Variants in PPP1R12B observed in about 807,000 individuals in gnomAD.
The protein encoded by PPP1R12B is myosin phosphatase target subunit 2.
In PPP1R12B, 76 loss-of-function variants were observed where a neutral mutation model predicts 126.1. The observed-to-expected ratio is 0.60, with a 90% CI of 0.50 to 0.73. The LOEUF (loss-of-function observed/expected upper bound fraction) is 0.73. PPP1R12B is among the 30% of genes least tolerant of loss of function. The probability of loss-of-function intolerance (pLI) is 0.00; values close to 1 mark genes in which losing one functional copy is unlikely to be tolerated. For synonymous variants in PPP1R12B, 356 were observed against 434.7 expected (o/e 0.82, Z 2.25); for missense variants, 1,052 against 1,205.1 (o/e 0.87, Z 1.88).
At chr1:202,531,554 GAAAATA>G (rs1381894070) in intron 18 of PPP1R12B, among the ~76,000 whole-genome samples, 2 of 152,018 alleles carry the variant, frequency 1.3e-5, no homozygotes, top group East Asian at 1.9e-4. Context: ...AGTATCAGTT[GAAAATA>G]AAAATAAAAA....
Position 202,348,995 on chromosome 1 carries a change from G to A in PPP1R12B, c.144G>A (p.Arg48=). The change falls in exon 1 of 24, where the codon AGG becomes AGA. Residue 48 remains arginine, a synonymous_variant. Transcript: ENST00000608999. ...RRGAGRQPLT[R]RGSPRVRFED... ...GCGCGGGGCGGCAGCCGCTGACCAGGCGCGGGAGCCCCAGGGTCCGCTTCG... is the reference window on the plus strand; with the variant it reads ...GCGCGGGGCGGCAGCCGCTGACCAGACGCGGGAGCCCCAGGGTCCGCTTCG... The A allele has an allele frequency of 3.1e-6, 5 of 1,606,962 alleles. No homozygotes were observed. The highest frequency in any genetic ancestry group is 4.2e-6 in the Non-Finnish European group (5 of 1,177,222).
At chr1:202,469,365 A>G (rs1675522965) in intron 13 of PPP1R12B, among the ~76,000 whole-genome samples, 1 of 152,214 alleles carries the variant, frequency 6.6e-6, no homozygotes, top group Non-Finnish European at 1.5e-5. Context: ...TGTTTCTTCA[A>G]CAGTGAGTTT....
intron 18 of PPP1R12B, among the ~76,000 whole-genome samples, chr1:202,500,484 G>A (rs1457349936): frequency 6.6e-6 from 1 of 152,170 alleles, no homozygotes; most frequent in African/African-American, 2.4e-5. Context: ...AAATAAGTCA[G>A]TCACAGAAAA....
Position 202,428,911 on chromosome 1 carries a change from C to G in PPP1R12B, c.903C>G (p.Leu301=). The stretch of plus-strand genomic sequence containing the variant: ...GTCTCGTGGAGCATTTGGAGTTGCT[C>G]CAGAAGAAGCAGAATGTGGTGAGTT... ...DEGLVEHLEL[L]QKKQNVLRSE... Residue 301 remains leucine, a synonymous_variant, in exon 6 of 24, where the codon CTC becomes CTG. Transcript: ENST00000608999. 6.2e-7 allele frequency: 1 copy of G among 1,607,352 alleles called. No homozygotes were observed. Among genetic ancestry groups the G allele is most frequent in the South Asian group, 1.1e-5 (1 of 89,826 alleles).
chr1:202,585,462 A>T lies in PPP1R12B; in HGVS notation c.*4902A>T, dbSNP rs1050801860. The T allele has an allele frequency of 2.6e-5, 4 of 152,222 alleles. No homozygotes were observed. The highest frequency in any genetic ancestry group is 6.5e-5 in the Admixed American group (1 of 15,286). The allele number at this position is 152,222 out of a possible 1,614,324, so 9.4% of individuals were successfully genotyped here. A position where few individuals can be genotyped will look rare whatever the true frequency, so the allele number is the denominator to read the frequency against. ...CACCCCTTCTCCTTTTAGTCATGTG[A>T]CTTTGGGCAGGTCACCCTCCCTGTC... On this transcript the variant is annotated 3_prime_UTR_variant, in exon 24 of 24. Transcript: ENST00000608999.
chr1:202,416,958 G>A, intron 2 of PPP1R12B, 41 bp downstream of exon 2: 2 of 1,573,020 alleles, frequency 1.3e-6, no homozygotes, highest in African/African-American at 1.4e-5. Context: ...AGTATTTGTA[G>A]GAATAGCCTT....
chr1:202,353,839 C>T lies in PPP1R12B; in HGVS notation c.291+4697C>T, dbSNP rs375503599. Among the ~76,000 whole-genome samples, 91 of 152,118 alleles carry T rather than the reference C, an allele frequency of 6.0e-4. No individual in the cohort carries two copies. The South Asian group carries it at 0.011, about 18-fold the overall frequency. On this transcript the variant is annotated intron_variant, in intron 1 of 23. Coordinates refer to ENST00000608999, the MANE Select transcript of PPP1R12B (RefSeq NM_002481.4). ...TGTTGCCAGGGCTGATCTTGAACTC[C>T]TGGGCTAAAACAATCCTCCCCCCTC...
chr1:202,396,204 A>G (rs12023106), intron 1 of PPP1R12B, among the ~76,000 whole-genome samples: 62,315 of 152,008 alleles, frequency 0.41, 14,721 homozygotes, highest in East Asian at 0.69. Context: ...CTAGTGCCCT[A>G]TAGGTTGTTA....
At chr1:202,474,008 G>A (rs542450026) in intron 13 of PPP1R12B, 85 of 520,458 alleles carry the variant, frequency 1.6e-4, no homozygotes, top group African/African-American at 1.6e-3. Context: ...GGAAAGTAGG[G>A]TGGTACAGGG....
intron 13 of PPP1R12B, among the ~76,000 whole-genome samples, chr1:202,451,884 G>T (rs1672995235): frequency 6.6e-6 from 1 of 151,742 alleles, no homozygotes. Context: ...TGGCTGCTGG[G>T]TGGAGACGCT....
chr1:202,569,406 C>A (rs1274488880), intron 23 of PPP1R12B, among the ~76,000 whole-genome samples: 2 of 152,192 alleles, frequency 1.3e-5, no homozygotes, highest in Non-Finnish European at 2.9e-5. Context: ...ACCTTAAAGG[C>A]ATTCTAGGAA....
chr1:202,403,132 G>C (rs1666094482), intron 1 of PPP1R12B, among the ~76,000 whole-genome samples: 1 of 152,142 alleles, frequency 6.6e-6, no homozygotes, highest in South Asian at 2.1e-4. Flanking sequence ...AATAAAGAAG[G>C]CTTGGTGTAA....
chr1:202,529,304 T>G (rs1410311436), intron 18 of PPP1R12B, among the ~76,000 whole-genome samples: 1 of 147,414 alleles, frequency 6.8e-6, no homozygotes, highest in Non-Finnish European at 1.5e-5. Context: ...ATGTTATTAT[T>G]GAAAAAAAAA....
chr1:202,431,544 G>C lies in PPP1R12B; in HGVS notation c.1066G>C (p.Glu356Gln). Residue 356 changes from glutamate (E) to glutamine (Q), a missense_variant, in exon 8 of 24, where the codon GAA becomes CAA. Coordinates refer to ENST00000608999, the MANE Select transcript of PPP1R12B (RefSeq NM_002481.4). ...CCAAGAAATGGAGGAAGAAAATAAA[G>C]AATCTAGTAGCTCCAGCTCAGAGGA... The part of the protein sequence containing the change: ...KSQEMEEENK[E>Q]SSSSSSEEEE... The C allele has an allele frequency of 6.2e-7, 1 of 1,613,624 alleles. No individual in the cohort carries two copies. The highest frequency in any genetic ancestry group is 1.1e-5 in the South Asian group (1 of 91,002).
At chr1:202,538,899 C>T (rs1282650095) in intron 18 of PPP1R12B, among the ~76,000 whole-genome samples, 1 of 152,134 alleles carries the variant, frequency 6.6e-6, no homozygotes, top group African/African-American at 2.4e-5. Flanking sequence ...TTTCTTTTCC[C>T]TCACCTTTAT....
intron 1 of PPP1R12B, among the ~76,000 whole-genome samples, chr1:202,366,717 A>G (rs1408473163): frequency 6.6e-6 from 1 of 152,184 alleles, no homozygotes; most frequent in African/African-American, 2.4e-5. Flanking sequence ...TGTTGATTAT[A>G]ATGCTTTTGA....
intron 1 of PPP1R12B, among the ~76,000 whole-genome samples, chr1:202,369,187 T>C (rs12137877): frequency 2.9e-3 from 437 of 152,352 alleles, no homozygotes; most frequent in Non-Finnish European, 5.1e-3. Flanking sequence ...ATTTCCCCAG[T>C]ATTTAAATAT....
At chr1:202,502,155 T>C (rs1680300932) in intron 18 of PPP1R12B, 2 of 985,254 alleles carry the variant, frequency 2.0e-6, no homozygotes, top group South Asian at 4.7e-5. Context: ...GCTGTCCCCA[T>C]CCAGAATGCA....
At chr1:202,494,742 A>G (rs1296638756) in intron 15 of PPP1R12B, among the ~76,000 whole-genome samples, 6 of 152,004 alleles carry the variant, frequency 3.9e-5, no homozygotes, top group African/African-American at 9.7e-5. Context: ...GAAAACAACA[A>G]CAACAAAACA....
Sources: allele counts gnomAD v4.1 joint callset (sites outside exome capture counted in the v4.1 genomes callset), GRCh38; gene constraint gnomAD v4.1.1; transcripts MANE v1.5; gene names NCBI Gene and HGNC (gene_info 2026-07-23, HGNC 2026-07-21).